The following DISC1 variants were observed in gnomAD, a reference collection of about 807,000 sequenced individuals.
DISC1 encodes DISC1 scaffold protein.
Under a neutral mutation model 84.5 loss-of-function variants are expected in DISC1, and 57 were observed. The ratio of observed to expected loss-of-function variants is 0.67; its 90% CI spans 0.55 to 0.84. The LOEUF is 0.84. Among genes scored for constraint, DISC1 ranks in the 40% least tolerant of loss-of-function variants. The pLI is 0.00. For missense variants in DISC1, 1,000 were observed against 1,057.8 expected (o/e 0.95, Z 0.76); for synonymous variants, 411 against 415.2 (o/e 0.99, Z 0.12).
intron 6 of DISC1, among the ~76,000 whole-genome samples, chr1:231,790,988 C>T (rs752706847): frequency 7.2e-5 from 11 of 152,304 alleles, no homozygotes; most frequent in African/African-American, 1.2e-4. Flanking sequence ...ACAACTCAAC[C>T]GGTGACAGGC....
At chr1:231,803,048 T>G (rs2079403129) in intron 8 of DISC1, among the ~76,000 whole-genome samples, 1 of 152,210 alleles carries the variant, frequency 6.6e-6, no homozygotes, top group African/African-American at 2.4e-5. Flanking sequence ...ACGTAGTGAC[T>G]TAAAATATTA....
At chr1:231,628,942 G>T (rs1368856121) in intron 1 of DISC1, among the ~76,000 whole-genome samples, 3 of 151,712 alleles carry the variant, frequency 2.0e-5, no homozygotes, top group Non-Finnish European at 2.9e-5. Context: ...TTGCTATGTT[G>T]CTCAGGCTGG....
intron 9 of DISC1, among the ~76,000 whole-genome samples, chr1:231,842,646 T>A (rs1425059044): frequency 6.6e-6 from 1 of 152,134 alleles, no homozygotes; most frequent in Non-Finnish European, 1.5e-5. Flanking sequence ...GGATGGAGTG[T>A]GAGCTGTGTC....
intron 4 of DISC1, among the ~76,000 whole-genome samples, chr1:231,753,260 A>G (rs1025219412): frequency 6.6e-6 from 1 of 152,214 alleles, no homozygotes; most frequent in African/African-American, 2.4e-5. Flanking sequence ...TTCTGCCTAG[A>G]CAACCAAACT....
At chr1:231,644,147 A>C (rs1327891360) in intron 1 of DISC1, among the ~76,000 whole-genome samples, 3 of 152,140 alleles carry the variant, frequency 2.0e-5, no homozygotes, top group Admixed American at 6.5e-5. Context: ...CAATGATCTG[A>C]TTGCCATAGA....
intron 3 of DISC1, among the ~76,000 whole-genome samples, chr1:231,719,664 T>C (rs1954175): frequency 0.28 from 43,235 of 152,186 alleles, 6,772 homozygotes; most frequent in East Asian, 0.37. Context: ...TTATACTCAC[T>C]GGTAAAATAT....
intron 11 of DISC1, among the ~76,000 whole-genome samples, chr1:232,014,650 G>T (rs568304561): frequency 7.2e-5 from 11 of 152,164 alleles, no homozygotes; most frequent in Non-Finnish European, 1.3e-4. Context: ...CTATTCATTC[G>T]ATATAGGACC....
At chr1:231,985,426 C>G (rs1468091433) in intron 10 of DISC1, among the ~76,000 whole-genome samples, 2 of 151,568 alleles carry the variant, frequency 1.3e-5, no homozygotes, top group African/African-American at 4.8e-5. Flanking sequence ...AGCATGTTTT[C>G]ACCATTACTG....
chr1:231,873,019 T>C (rs1455233162), intron 9 of DISC1, among the ~76,000 whole-genome samples: 3 of 152,250 alleles, frequency 2.0e-5, no homozygotes, highest in Admixed American at 6.5e-5. Context: ...GGAGTTTGTC[T>C]ATTCCATGAA....
intron 9 of DISC1, among the ~76,000 whole-genome samples, chr1:231,876,941 A>G (rs1326878574): frequency 1.3e-5 from 2 of 152,174 alleles, no homozygotes; most frequent in African/African-American, 4.8e-5. Context: ...CCACTGCTAA[A>G]TGGTTCCACC....
chr1:231,683,425 ATTTT>A, intron 1 of DISC1, among the ~76,000 whole-genome samples: 1 of 133,830 alleles, frequency 7.5e-6, no homozygotes, highest in South Asian at 2.5e-4. Flanking sequence ...TACCACCATG[ATTTT>A]TTTTTTTTTT....
chr1:231,722,546 C>G (rs750722558), intron 3 of DISC1: 13 of 1,614,030 alleles, frequency 8.1e-6, no homozygotes, highest in Non-Finnish European at 1.1e-5. Flanking sequence ...CAGCTGGAAC[C>G]AATTGCTTTG....
chr1:231,750,360 T>G, intron 4 of DISC1: 1 of 1,204,508 alleles, frequency 8.3e-7, no homozygotes, highest in Non-Finnish European at 1.0e-6. Context: ...AAACTACCCT[T>G]CTAAGAAGGT....
rs114022453 is a variant in DISC1 at position 231,747,444 on chromosome 1, A to G, written c.1118-2482A>G. ...ACTAGATTTTCATATAAGGTGAGAG[A>G]CAGGGGTCTACTTTCATCCTTCTGC... On this transcript the variant is annotated intron_variant, in intron 3 of 12. Coordinates refer to ENST00000439617, the MANE Select transcript of DISC1 (RefSeq NM_018662.3). 7.6e-3 allele frequency among the ~76,000 whole-genome samples: 1,164 copies of G among 152,284 alleles called. 18 individuals carry two copies. The highest frequency in any genetic ancestry group is 0.026 in the African/African-American group (1,101 of 41,552).
At chr1:231,927,709 C>T (rs199927961) in intron 9 of DISC1, among the ~76,000 whole-genome samples, 95 of 152,334 alleles carry the variant, frequency 6.2e-4, no homozygotes, top group Middle Eastern at 3.4e-3. Flanking sequence ...GTAAAGGGCC[C>T]TGATAAAATG....
At chr1:231,767,017 T>A (rs2076220346) in intron 4 of DISC1, 123 bp from the exon 5 acceptor site, 2 of 1,278,662 alleles carry the variant, frequency 1.6e-6, no homozygotes, top group South Asian at 1.4e-5. Context: ...AACAGGTAAG[T>A]ACCCTCCTAA....
chr1:231,767,327 G>A (rs1420307854), intron 5 of DISC1, 58 bp downstream of exon 5: 20 of 1,603,010 alleles, frequency 1.2e-5, no homozygotes, highest in Non-Finnish European at 1.6e-5. Flanking sequence ...CTTTGAGACA[G>A]GGTCTTGCTC....
chr1:231,903,849 C>CGG (rs2088402200), intron 9 of DISC1, among the ~76,000 whole-genome samples: 3 of 152,170 alleles, frequency 2.0e-5, no homozygotes, highest in Non-Finnish European at 4.4e-5. Context: ...AGATGGGAAA[C>CGG]CATTTCAGAG....
chr1:232,035,817 C>T (rs1670466806), intron 12 of DISC1, among the ~76,000 whole-genome samples: 2 of 152,186 alleles, frequency 1.3e-5, no homozygotes, highest in African/African-American at 2.4e-5. Context: ...GACGTATGGA[C>T]AGAAAAACCA....
Sources: allele counts gnomAD v4.1 joint callset (sites outside exome capture counted in the v4.1 genomes callset), GRCh38; gene constraint gnomAD v4.1.1; transcripts MANE v1.5; gene names NCBI Gene and HGNC (gene_info 2026-07-23, HGNC 2026-07-21).